Variants in FANCA observed in about 807,000 individuals in gnomAD.
The protein encoded by FANCA is Fanconi anemia group A protein.
In FANCA, 236 loss-of-function variants were observed where a neutral mutation model predicts 194.3. The ratio of observed to expected loss-of-function variants is 1.21; its 90% CI spans 1.09 to 1.35. The LOEUF (loss-of-function observed/expected upper bound fraction) is 1.35. Among genes scored for constraint, FANCA ranks in the 40% most tolerant of loss-of-function variants. The pLI, the probability that FANCA is intolerant of heterozygous loss-of-function variation, is 0.00. For missense variants in FANCA, 2,628 were observed against 1,813.9 expected (o/e 1.45, Z -8.15); for synonymous variants, 1,014 against 715.8 (o/e 1.42, Z -6.65).
At chr16:89,774,610 G>A (rs1371939883) in intron 21 of FANCA, among the ~76,000 whole-genome samples, 1 of 151,076 alleles carries the variant, frequency 6.6e-6, no homozygotes, top group Non-Finnish European at 1.5e-5. Flanking sequence ...GGCGCCTGTA[G>A]TCCCAGCCAC....
intron 21 of FANCA, 127 bp from the exon 22 acceptor site, chr16:89,773,511 G>T: frequency 1.4e-6 from 1 of 727,076 alleles, no homozygotes; most frequent in Non-Finnish European, 2.4e-6. Context: ...GCAGACGGAG[G>T]GACTGGGAGT....
chr16:89,781,271 G>C (rs1030961147), intron 17 of FANCA, among the ~76,000 whole-genome samples: 4 of 148,570 alleles, frequency 2.7e-5, no homozygotes, highest in African/African-American at 1.0e-4. Context: ...GGCTGAGGCA[G>C]GAGAATGGCA....
At chr16:89,807,184 CTTTTTT>C (rs1011419652) in intron 6 of FANCA, among the ~76,000 whole-genome samples, 1 of 134,384 alleles carries the variant, frequency 7.4e-6, no homozygotes, top group Non-Finnish European at 1.6e-5. Context: ...GCAGGTTTTT[CTTTTTT>C]TTTTTTTTTT....
At chr16:89,739,607 G>C (rs1168215287) in intron 39 of FANCA, 54 bp from the exon 40 acceptor site, 21 of 1,538,170 alleles carry the variant, frequency 1.4e-5, no homozygotes, top group Non-Finnish European at 1.8e-5. Flanking sequence ...CCTATTATCA[G>C]TGCTGGGGAC....
rs201494304 is a variant in FANCA, at chr16:89,738,910, G to T, written c.4232C>A (p.Pro1411Gln). 1.2e-6 allele frequency: 2 copies of T among 1,614,226 alleles called. No individual in the cohort carries two copies. Among genetic ancestry groups the T allele is most frequent in the Admixed American group, 3.3e-5 (2 of 60,024 alleles). ...LFLLQLIPRC[P>Q]KKSFSHVAEL... ...TGCCACGTGTGAGAAGCTCTTTTTC[G>T]GGCACCGAGGTATTAACTGCAGCAG... is the stretch of plus-strand genomic sequence containing the variant. The change falls in exon 42 of 43, where the codon CCG (proline) becomes CAG (glutamine). Residue 1411 changes from proline to glutamine, a missense_variant. Pro to Gln is a moderately conservative substitution (Grantham distance 76). Transcript: ENST00000389301.
chr16:89,745,987 G>A lies in FANCA; in HGVS notation c.3513+597C>T, dbSNP rs138602944. Among the ~76,000 whole-genome samples, 54 of 152,262 alleles carry A rather than the reference G, an allele frequency of 3.5e-4. No individual in the cohort carries two copies. In the East Asian group the frequency reaches 7.3e-3, roughly 21 times the overall value. ...CTCCCTGGGGAACATGCCGTGCTGC[G>A]GAGAAAAAGGCCCTCCTGTCCCTGA... On this transcript the variant is annotated intron_variant, in intron 35 of 42. Transcript: ENST00000389301.
intron 5 of FANCA, among the ~76,000 whole-genome samples, chr16:89,810,266 T>C (rs1292240999): frequency 3.4e-5 from 5 of 146,170 alleles, no homozygotes; most frequent in African/African-American, 1.3e-4. Context: ...GGGCTTGCAG[T>C]GAGCCAAGAT....
chr16:89,799,744 G>C, intron 8 of FANCA, 106 bp from the exon 9 acceptor site: 1 of 1,016,816 alleles, frequency 9.8e-7, no homozygotes, highest in South Asian at 1.3e-5. Flanking sequence ...GTAAAGAAAC[G>C]GCACTTCAGG....
At chr16:89,813,810 G>GTGTT (rs1256126162) in intron 3 of FANCA, among the ~76,000 whole-genome samples, 1 of 151,006 alleles carries the variant, frequency 6.6e-6, no homozygotes, top group East Asian at 1.9e-4. Context: ...CTTTTACTGT[G>GTGTT]TGTGTGTGTG....
In FANCA at chr16:89,763,761, C is replaced by G. The variant is rs537683838; in HGVS notation, c.2778+1129G>C. Among the ~76,000 whole-genome samples, 63 of 151,488 alleles carry G rather than the reference C, an allele frequency of 4.2e-4. No individual in the cohort carries two copies. The South Asian group carries it at 0.013, about 30-fold the overall frequency. On this transcript the variant is annotated intron_variant, in intron 28 of 42. Coordinates refer to ENST00000389301, the MANE Select transcript of FANCA (RefSeq NM_000135.4). ...AGACCAGCCTAACATGGTGAAACCCCATCTCTACTAAAAATACAAAACTTA... is the reference window on the plus strand; with the variant it reads ...AGACCAGCCTAACATGGTGAAACCCGATCTCTACTAAAAATACAAAACTTA...
chr16:89,791,019 GTGTGTTTTTTTTTTT>G, intron 14 of FANCA: 1 of 252,220 alleles, frequency 4.0e-6, no homozygotes, highest in South Asian at 4.1e-5. Flanking sequence ...GTGTGTGTGT[GTGTGTTTTTTTTTTT>G]TTTTTTTTTT....
intron 30 of FANCA, among the ~76,000 whole-genome samples, chr16:89,752,742 C>T (rs763017334): frequency 1.3e-5 from 2 of 152,204 alleles, no homozygotes; most frequent in African/African-American, 4.8e-5. Context: ...CTGTTGTGCC[C>T]GGACAGGGCC....
rs755882784 is a variant in FANCA, at chr16:89,739,886, A to C, written c.3934+108T>G. 3.2e-6 allele frequency: 5 copies of C among 1,564,206 alleles called. No individual in the cohort carries two copies. The African/African-American group carries it at 6.8e-5, about 21-fold the overall frequency. On this transcript the variant is annotated intron_variant, in intron 39 of 42. Coordinates refer to ENST00000389301, the MANE Select transcript of FANCA (RefSeq NM_000135.4). The stretch of plus-strand genomic sequence containing the variant: ...CTGTCCCAACTAAAATGGAGCTTAT[A>C]AACTTACTTAGCAAGGAACCTCAAG...
At chr16:89,807,752 G>A (rs537064603) in intron 6 of FANCA, among the ~76,000 whole-genome samples, 61 of 151,936 alleles carry the variant, frequency 4.0e-4, no homozygotes, top group South Asian at 2.5e-3. Flanking sequence ...GCGTGGTGGC[G>A]GACGCCTGTA....
chr16:89,744,587 G>T, intron 36 of FANCA: 1 of 348,964 alleles, frequency 2.9e-6, no homozygotes, highest in South Asian at 2.3e-5. Flanking sequence ...CAGGTGCAAA[G>T]GAATCACTCG....
intron 30 of FANCA, among the ~76,000 whole-genome samples, chr16:89,753,124 ATGG>A (rs1351752562): frequency 8.9e-4 from 135 of 152,312 alleles, no homozygotes; most frequent in African/African-American, 3.1e-3. Flanking sequence ...TGCAGAAATA[ATGG>A]CGTAAGCTGT....
chr16:89,779,848 C>G, intron 18 of FANCA, 21 bp downstream of exon 18: 5 of 1,611,598 alleles, frequency 3.1e-6, no homozygotes, highest in Non-Finnish European at 4.2e-6. Flanking sequence ...TGCTAGAGGC[C>G]TTTTCGGCAG....
chr16:89,762,861 G>A, intron 28 of FANCA: 1 of 375,794 alleles, frequency 2.7e-6, no homozygotes, highest in Non-Finnish European at 5.5e-6. Flanking sequence ...CCAGCACTTT[G>A]GGAGGCCGAG....
chr16:89,775,598 G>A, intron 21 of FANCA, 144 bp downstream of exon 21: 1 of 690,052 alleles, frequency 1.4e-6, no homozygotes, highest in African/African-American at 1.8e-5. Flanking sequence ...TCAGCATGGT[G>A]GGCGGACCCT....
Sources: allele counts gnomAD v4.1 joint callset (sites outside exome capture counted in the v4.1 genomes callset), GRCh38; gene constraint gnomAD v4.1.1; transcripts MANE v1.5; gene names NCBI Gene and HGNC (gene_info 2026-07-23, HGNC 2026-07-21).